Variants in ANKRD24 observed in about 807,000 individuals in gnomAD.
ANKRD24 encodes the protein ankyrin repeat domain-containing protein 24.
Under a neutral mutation model 127.8 loss-of-function variants are expected in ANKRD24, and 109 were observed. That is an observed-to-expected ratio of 0.85 (90% CI 0.73 to 1.00). The LOEUF is 1.00. ANKRD24 is among the 50% of genes least tolerant of loss of function. The pLI, the probability that ANKRD24 is intolerant of heterozygous loss-of-function variation, is 0.00. For synonymous variants in ANKRD24, 743 were observed against 671.1 expected, an observed-to-expected ratio of 1.11 and a Z score of -1.66; for missense variants, 1,648 against 1,570.2, an observed-to-expected ratio of 1.05 and a Z score of -0.84.
intron 1 of ANKRD24, among the ~76,000 whole-genome samples, chr19:4,183,890 A>G (rs1967891466): frequency 6.6e-6 from 1 of 152,134 alleles, no homozygotes; most frequent in Non-Finnish European, 1.5e-5. Flanking sequence ...CCTGGGCAAC[A>G]AGCATGAAAC....
chr19:4,224,156 G>A lies in ANKRD24; in HGVS notation c.3327G>A (p.Val1109=), dbSNP rs750267435. The A allele has an allele frequency of 6.2e-7, 1 of 1,612,766 alleles. No individual in the cohort carries two copies. Among genetic ancestry groups the A allele is most frequent in the Non-Finnish European group, 8.5e-7 (1 of 1,179,650 alleles). ...QEAARDHSSV[V]ALYRSHLLYA... ...CTGCCAGGGACCACTCCAGCGTGGT[G>A]GCTTTGTACAGAAGCCACCTCCTAT... Residue 1109 remains valine (V), a synonymous_variant, in exon 21 of 22, where the codon GTG becomes GTA. Coordinates refer to ENST00000318934, the MANE Select transcript of ANKRD24 (RefSeq NM_001393985.1).
rs1255305898 is a variant in ANKRD24 at position 4,216,532 on chromosome 19, C to T, written c.1390-18C>T. 6.3e-7 allele frequency: 1 copy of T among 1,591,764 alleles called. No homozygotes were observed. The highest frequency in any genetic ancestry group is 8.6e-7 in the Non-Finnish European group (1 of 1,168,030). Reference sequence around the variant, plus strand: ...CATCAACTCCTGCCAGACTCCTGCCCCCCACTCCACTCCCCAGATCCTGGA... The same window carrying T: ...CATCAACTCCTGCCAGACTCCTGCCTCCCACTCCACTCCCCAGATCCTGGA... On this transcript the variant is annotated intron_variant, in intron 17 of 21. Coordinates refer to ENST00000318934, the MANE Select transcript of ANKRD24 (RefSeq NM_001393985.1).
intron 15 of ANKRD24, among the ~76,000 whole-genome samples, chr19:4,214,308 C>T (rs1969935392): frequency 6.6e-6 from 1 of 151,994 alleles, no homozygotes; most frequent in Admixed American, 6.6e-5. Context: ...GCTGGGACCA[C>T]AGGCATGTGC....
At chr19:4,200,224 G>T in intron 5 of ANKRD24, 53 bp downstream of exon 5, 1 of 1,521,006 alleles carries the variant, frequency 6.6e-7, no homozygotes, top group Non-Finnish European at 8.8e-7. Context: ...CAGGTGCCCA[G>T]CCTGAGGGTC....
At position 4,207,727 on chromosome 19, in the gene ANKRD24, G is replaced by T. The variant is rs1969472959; in HGVS notation, c.645-54G>T. On this transcript the variant is annotated intron_variant, in intron 9 of 21. Coordinates refer to ENST00000318934, the MANE Select transcript of ANKRD24 (RefSeq NM_001393985.1). ...CAGCCTGGCCTGGGTGCTGAGGTGG[G>T]CATGGGGGCTTGGGGGATGTTCTCA... 2.5e-6 allele frequency: 4 copies of T among 1,576,808 alleles called. No homozygotes were observed. The South Asian group carries it at 4.6e-5, about 18-fold the overall frequency.
chr19:4,206,560 G>C (rs1377813642), intron 7 of ANKRD24, among the ~76,000 whole-genome samples: 1 of 151,984 alleles, frequency 6.6e-6, no homozygotes, highest in Non-Finnish European at 1.5e-5. Context: ...TTGGGAGGCC[G>C]AGGCAGGAGG....
chr19:4,215,623 A>G (rs1970015957), intron 15 of ANKRD24, among the ~76,000 whole-genome samples: 2 of 150,436 alleles, frequency 1.3e-5, no homozygotes, highest in African/African-American at 5.0e-5. Flanking sequence ...AAAAAATTAA[A>G]AATTAGCCAA....
Position 4,218,018 on chromosome 19 carries a change from A to G in ANKRD24, c.2858A>G (p.Glu953Gly). 1 of 1,553,168 alleles carries G rather than the reference A, an allele frequency of 6.4e-7. No individual in the cohort carries two copies. The highest frequency in any genetic ancestry group is 1.2e-5 in the South Asian group (1 of 84,484). The change falls in exon 18 of 22, where the codon GAG (glutamate) becomes GGG (glycine). Residue 953 changes from glutamate to glycine, a missense_variant. By Grantham distance (98) the Glu-to-Gly change is moderately conservative. Coordinates refer to ENST00000318934, the MANE Select transcript of ANKRD24 (RefSeq NM_001393985.1). ...TGKEAARLRA[E>G]LERERVCSVA... ...AAGGAGGCCGCCCGGCTGCGCGCGG[A>G]GCTGGAGCGGGAGCGTGTGTGCAGC... is the stretch of plus-strand genomic sequence containing the variant.
chr19:4,187,550 C>T (rs143340454), intron 2 of ANKRD24, among the ~76,000 whole-genome samples: 27 of 152,352 alleles, frequency 1.8e-4, no homozygotes, highest in Non-Finnish European at 3.5e-4. Flanking sequence ...GTGTCTTTGG[C>T]TATGAACTCC....
In ANKRD24 at chr19:4,216,361, G is replaced by A. The variant is rs367836274; in HGVS notation, c.1348G>A (p.Val450Met). The A allele has an allele frequency of 1.9e-6, 3 of 1,573,638 alleles. No individual in the cohort carries two copies. The highest frequency in any genetic ancestry group is 2.7e-5 in the African/African-American group (2 of 73,920). Residue 450 changes from valine to methionine, a missense_variant, in exon 17 of 22, where the codon GTG becomes ATG. Coordinates refer to ENST00000318934, the MANE Select transcript of ANKRD24 (RefSeq NM_001393985.1). Reference protein sequence around the residue: ...HLASLQEQVAVLTRQNQELME... With the variant: ...HLASLQEQVAMLTRQNQELME... ...GGCCTCGCTGCAGGAACAGGTGGCTGTGCTCACCAGACAGAACCAGGAACT... is the reference window on the plus strand; with the variant it reads ...GGCCTCGCTGCAGGAACAGGTGGCTATGCTCACCAGACAGAACCAGGAACT...
chr19:4,197,796 A>C (rs763561930), intron 2 of ANKRD24, among the ~76,000 whole-genome samples: 2 of 152,142 alleles, frequency 1.3e-5, no homozygotes, highest in African/African-American at 2.4e-5. Flanking sequence ...TGAATGAATA[A>C]GTGAATGAAC....
At chr19:4,196,126 T>C (rs917324010) in intron 2 of ANKRD24, among the ~76,000 whole-genome samples, 1 of 152,164 alleles carries the variant, frequency 6.6e-6, no homozygotes, top group African/African-American at 2.4e-5. Flanking sequence ...TAGAGAAAGA[T>C]CCAGCCTCAA....
chr19:4,218,753 CTT>C (rs556461670), intron 18 of ANKRD24, among the ~76,000 whole-genome samples: 8 of 110,176 alleles, frequency 7.3e-5, no homozygotes, highest in Admixed American at 9.1e-5. Flanking sequence ...CCCTTCCTTT[CTT>C]TTTTTTTTTT....
chr19:4,216,387 G>A lies in ANKRD24; in HGVS notation c.1374G>A (p.Leu458=). Residue 458 remains leucine (L), a synonymous_variant, in exon 17 of 22, where the codon CTG becomes CTA. Transcript: ENST00000318934. ...VAVLTRQNQE[L]MEKVQILENF... ...TGCTCACCAGACAGAACCAGGAACT[G>A]ATGGAGAAGGTCCAGGTAGGGAAAG... The A allele has an allele frequency of 1.7e-5, 27 of 1,570,376 alleles. No individual in the cohort carries two copies. The highest frequency in any genetic ancestry group is 2.2e-5 in the Non-Finnish European group (26 of 1,157,832).
In ANKRD24 at chr19:4,218,052, C is replaced by T. The variant is rs1452642465; in HGVS notation, c.2892C>T (p.Leu964=). The T allele has an allele frequency of 1.9e-6, 3 of 1,560,342 alleles. No homozygotes were observed. The highest frequency in any genetic ancestry group is 1.7e-6 in the Non-Finnish European group (2 of 1,157,288). The change falls in exon 18 of 22, where the codon CTC becomes CTT. Residue 964 remains leucine (L), a synonymous_variant. Transcript: ENST00000318934. ...GGGAGCGTGTGTGCAGCGTGGCGCT[C>T]TCGGAGCACGAACGCATCGTGGGCA... ...LERERVCSVA[L]SEHERIVGTL...
rs112579326 is a variant in ANKRD24, at chr19:4,223,484, T to A, written c.3298-643T>A. 4.2e-3 allele frequency among the ~76,000 whole-genome samples: 612 copies of A among 144,858 alleles called. 3 individuals carry two copies. The highest frequency in any genetic ancestry group is 0.015 in the African/African-American group (577 of 38,398). ...GACACGATCTTGGCTCACTGCAACC[T>A]CTGCCTCCCGGCTCCCGGGTTCAAG... On this transcript the variant is annotated intron_variant, in intron 20 of 21. Coordinates refer to ENST00000318934, the MANE Select transcript of ANKRD24 (RefSeq NM_001393985.1).
At chr19:4,220,230 C>T (rs1970369868) in intron 19 of ANKRD24, among the ~76,000 whole-genome samples, 1 of 152,206 alleles carries the variant, frequency 6.6e-6, no homozygotes, top group Admixed American at 6.5e-5. Flanking sequence ...GCCTCAGCCC[C>T]CAAAAGGGCT....
In ANKRD24 at chr19:4,205,948, C is replaced by G. The variant is rs139014060; in HGVS notation, c.467-1294C>G. 3.8e-3 allele frequency among the ~76,000 whole-genome samples: 568 copies of G among 151,186 alleles called. 3 individuals carry two copies. The highest frequency in any genetic ancestry group is 0.021 in the Middle Eastern group (6 of 290). ...ACGAGCTCAGGCAATCGAGACCATC[C>G]TGGCTAACACGGTGAAACCCCGTCT... On this transcript the variant is annotated intron_variant, in intron 7 of 21. Coordinates refer to ENST00000318934, the MANE Select transcript of ANKRD24 (RefSeq NM_001393985.1).
In ANKRD24 at chr19:4,198,414, C is replaced by T. The variant is rs1968888886; in HGVS notation, c.37-1269C>T. 2.1e-6 allele frequency: 1 copy of T among 486,398 alleles called. No homozygotes were observed. Among genetic ancestry groups the T allele is most frequent in the Non-Finnish European group, 3.6e-6 (1 of 274,002 alleles). 30.1% of individuals were successfully genotyped at this position (486,398 alleles called of 1,614,324 possible). A position where few individuals can be genotyped will look rare whatever the true frequency, so the allele number is the denominator to read the frequency against. On this transcript the variant is annotated intron_variant, in intron 2 of 21. Coordinates refer to ENST00000318934, the MANE Select transcript of ANKRD24 (RefSeq NM_001393985.1). The surrounding 1 kb of genome is among the most constrained non-coding windows in gnomAD (Gnocchi z 6.1). ...GCCCAGCCCCGCCCTCCGGCCGCTCCCCGCGGTCCCTCCAGACCCTCTGGC... is the reference window on the plus strand; with the variant it reads ...GCCCAGCCCCGCCCTCCGGCCGCTCTCCGCGGTCCCTCCAGACCCTCTGGC...
Sources: allele counts gnomAD v4.1 joint callset (sites outside exome capture counted in the v4.1 genomes callset), GRCh38; gene constraint gnomAD v4.1.1; non-coding constraint Gnocchi (gnomAD v3.1); transcripts MANE v1.5; gene names NCBI Gene and HGNC (gene_info 2026-07-23, HGNC 2026-07-21).